Variants in TMEM255A observed in about 807,000 individuals in gnomAD.
TMEM255A encodes family with sequence similarity 70, member A.
In TMEM255A, 14 loss-of-function variants were observed where a neutral mutation model predicts 23.5. The observed-to-expected ratio is 0.60, with a 90% CI of 0.39 to 0.93. The LOEUF is 0.93. Ranked by LOEUF, TMEM255A falls within the 40% of genes least tolerant of loss-of-function variation. TMEM255A has a pLI of 0.00. For synonymous variants in TMEM255A, 104 were observed against 100.3 expected (o/e 1.04, Z -0.22); for missense variants, 233 against 261.7 (o/e 0.89, Z 0.76).
rs1230825449 is a variant in TMEM255A, at chrX:120,260,372, A to C, written c.*498T>G. 1 of 146,468 alleles carries C rather than the reference A, an allele frequency of 6.8e-6. No individual in the cohort carries two copies. The highest frequency in any genetic ancestry group is 3.2e-5 in the African/African-American group (1 of 31,543). 12.1% of individuals were successfully genotyped at this position (146,468 alleles called of 1,213,427 possible). On this transcript the variant is annotated 3_prime_UTR_variant, in exon 9 of 9. Coordinates refer to ENST00000371369, the MANE Select transcript of TMEM255A (RefSeq NM_001104544.3). Reference sequence around the variant, plus strand: ...TTCAACATCCAGACACAAGCAAACAAAATCTTAGCCAGAACTCTCTGTATT... The same window carrying C: ...TTCAACATCCAGACACAAGCAAACACAATCTTAGCCAGAACTCTCTGTATT...
intron 1 of TMEM255A, among the ~76,000 whole-genome samples, chrX:120,310,744 T>A (rs2058095399): frequency 2.1e-5 from 1 of 46,535 alleles, no homozygotes; most frequent in African/African-American, 9.3e-5. Context: ...CCCCCCCCAA[T>A]CAGCGAGGTG....
chrX:120,287,087 A>C (rs1452660706), intron 5 of TMEM255A, 67 bp downstream of exon 5: 23 of 922,937 alleles, frequency 2.5e-5, no homozygotes, highest in Non-Finnish European at 3.2e-5. Flanking sequence ...AGTAAAAGAA[A>C]GGGTGTTTCA....
chrX:120,259,257 T>TA lies in TMEM255A; in HGVS notation c.*1612dup, dbSNP rs1455902255. Reference sequence around the variant, plus strand: ...TAGAATTTTAATATGCTCAGAACTGTAAAAAATCATAGTAATTTTGTATAA... The same window carrying TA: ...TAGAATTTTAATATGCTCAGAACTGTAAAAAAATCATAGTAATTTTGTATAA... On this transcript the variant is annotated 3_prime_UTR_variant, in exon 9 of 9. Transcript: ENST00000371369. 8.8e-6 allele frequency: 1 copy of TA among 113,002 alleles called. No homozygotes were observed. Among genetic ancestry groups the TA allele is most frequent in the Non-Finnish European group, 1.9e-5 (1 of 53,315 alleles). 9.3% of individuals were successfully genotyped at this position (113,002 alleles called of 1,213,427 possible).
At chrX:120,258,172 T>G (rs1331758744), downstream of TMEM255A, 5 of 123,326 alleles carry the variant, frequency 4.1e-5, no homozygotes, top group Admixed American at 9.4e-5. Context: ...ATCAAGGTAT[T>G]TTGTATTGTC....
Position 120,280,616 on chromosome X carries a change from G to C in TMEM255A, c.513-3569C>G, listed in dbSNP as rs782642653. 5.4e-5 allele frequency among the ~76,000 whole-genome samples: 6 copies of C among 110,957 alleles called. No homozygotes were observed. In the South Asian group the frequency reaches 1.5e-3, roughly 29 times the overall value. ...CTCATGCCTCCATCACTGTAAGGCT[G>C]TCCTGCCAGACCCCACTGCTGCCTG... On this transcript the variant is annotated intron_variant, in intron 6 of 8. Coordinates refer to ENST00000371369, the MANE Select transcript of TMEM255A (RefSeq NM_001104544.3).
chrX:120,275,809 T>TTTTTTTTTTTTTTTTG (rs2057793774), intron 7 of TMEM255A, among the ~76,000 whole-genome samples: 1 of 95,283 alleles, frequency 1.0e-5, no homozygotes, highest in African/African-American at 3.9e-5. Flanking sequence ...TTTTTTTTTT[T>TTTTTTTTTTTTTTTTG]AGAGACAGGG....
At chrX:120,272,593 T>G (rs2057768814) in intron 7 of TMEM255A, among the ~76,000 whole-genome samples, 1 of 111,085 alleles carries the variant, frequency 9.0e-6, no homozygotes, top group Non-Finnish European at 1.9e-5. Context: ...CCCCCTTTGC[T>G]TCCTTCACAT....
At chrX:120,274,127 CA>C (rs200143105) in intron 7 of TMEM255A, among the ~76,000 whole-genome samples, 8 of 111,135 alleles carry the variant, frequency 7.2e-5, no homozygotes, top group African/African-American at 2.6e-4. Context: ...ATTTTAAAAA[CA>C]AAAAAAATAT....
chrX:120,309,199 C>G (rs2058083002), intron 1 of TMEM255A, among the ~76,000 whole-genome samples: 1 of 112,600 alleles, frequency 8.9e-6, no homozygotes, highest in Non-Finnish European at 1.9e-5. Flanking sequence ...CAGGAATTTG[C>G]CAGTGCCGTC....
At chrX:120,283,630 T>C (rs1248338557) in intron 6 of TMEM255A, among the ~76,000 whole-genome samples, 5 of 111,721 alleles carry the variant, frequency 4.5e-5, no homozygotes, top group Non-Finnish European at 7.5e-5. Flanking sequence ...TTGGTCGACA[T>C]ACCCTGCATG....
At chrX:120,253,836 G>C (rs1264441598), downstream of TMEM255A, 2 of 1,209,409 alleles carry the variant, frequency 1.7e-6, no homozygotes, top group African/African-American at 3.5e-5. Flanking sequence ...TTTACCTCCT[G>C]ATTCTGGTGA....
intron 1 of TMEM255A, among the ~76,000 whole-genome samples, chrX:120,309,164 G>A (rs782419185): frequency 8.9e-6 from 1 of 112,584 alleles, no homozygotes; most frequent in Non-Finnish European, 1.9e-5. Flanking sequence ...TCCAAACTGT[G>A]GAAACCCAGC....
chrX:120,283,166 T>C (rs2057848726), intron 6 of TMEM255A, among the ~76,000 whole-genome samples: 1 of 111,459 alleles, frequency 9.0e-6, no homozygotes, highest in Non-Finnish European at 1.9e-5. Context: ...TTTGTAAGGA[T>C]GGGCTGAGGA....
At chrX:120,282,888 A>T (rs2147195718) in intron 6 of TMEM255A, among the ~76,000 whole-genome samples, 1 of 111,060 alleles carries the variant, frequency 9.0e-6, no homozygotes, top group African/African-American at 3.3e-5. Flanking sequence ...ATCACTTATC[A>T]ACCCTCTCAG....
intron 1 of TMEM255A, among the ~76,000 whole-genome samples, chrX:120,309,148 C>G (rs1165539004): frequency 8.9e-6 from 1 of 112,506 alleles, no homozygotes; most frequent in Non-Finnish European, 1.9e-5. Flanking sequence ...CGGGGAGACT[C>G]CCCTGTCCAA....
intron 2 of TMEM255A, among the ~76,000 whole-genome samples, chrX:120,294,922 A>T (rs781799751): frequency 1.1e-3 from 124 of 111,858 alleles, no homozygotes; most frequent in Middle Eastern, 9.2e-3. Context: ...ACTGCAATTT[A>T]TGTTAGCACT....
intron 6 of TMEM255A, among the ~76,000 whole-genome samples, chrX:120,283,408 G>A (rs1276693019): frequency 2.7e-5 from 3 of 110,937 alleles, no homozygotes; most frequent in East Asian, 5.7e-4. Flanking sequence ...CCTGACTCTA[G>A]TCTGGCAAGT....
chrX:120,268,604 A>C (rs1329486404), intron 7 of TMEM255A, among the ~76,000 whole-genome samples: 1 of 111,628 alleles, frequency 9.0e-6, no homozygotes, highest in Admixed American at 9.5e-5. Flanking sequence ...TTAAAAAAAG[A>C]CCCCCAAAAT....
At chrX:120,288,204 C>A (rs1399314123) in intron 4 of TMEM255A, among the ~76,000 whole-genome samples, 1 of 112,278 alleles carries the variant, frequency 8.9e-6, no homozygotes, top group Non-Finnish European at 1.9e-5. Flanking sequence ...CTTTTCCCCA[C>A]ACATGTGATT....
Sources: gnomAD v4.1 joint callset for allele counts (sites outside exome capture counted in the v4.1 genomes callset) on GRCh38, gnomAD v4.1.1 for gene constraint, MANE v1.5 for transcripts, NCBI Gene and HGNC (gene_info 2026-07-23, HGNC 2026-07-21) for gene names.